The following CHRNA7 variants were observed in gnomAD, a reference collection of about 807,000 sequenced individuals.
CHRNA7 encodes the protein neuronal acetylcholine receptor subunit alpha-7.
A neutral mutation model predicts 48.0 loss-of-function variants in CHRNA7; 17 were observed. That is an observed-to-expected ratio of 0.35 (90% confidence interval 0.24 to 0.53). The LOEUF (loss-of-function observed/expected upper bound fraction) is 0.53, where lower values mean the gene tolerates loss of function less well. Ranked by LOEUF, CHRNA7 falls within the 20% of genes least tolerant of loss-of-function variation. The pLI, the probability that CHRNA7 is intolerant of heterozygous loss-of-function variation, is 0.92. For missense variants in CHRNA7, 155 were observed against 577.7 expected, an observed-to-expected ratio of 0.27 and a Z score of 7.50; for synonymous variants, 75 against 242.3, an observed-to-expected ratio of 0.31 and a Z score of 6.41.
intron 4 of CHRNA7, among the ~76,000 whole-genome samples, chr15:32,113,011 G>T (rs1455163295): frequency 6.6e-6 from 1 of 152,138 alleles, no homozygotes; most frequent in Non-Finnish European, 1.5e-5. Flanking sequence ...CTGTTGAATG[G>T]ATCAAACATG....
chr15:32,100,391 T>A (rs1320252946), intron 2 of CHRNA7: 1 of 152,230 alleles, frequency 6.6e-6, no homozygotes, highest in Admixed American at 6.5e-5. Flanking sequence ...ATTCTCAGTA[T>A]GACTATTGTA....
intron 2 of CHRNA7, among the ~76,000 whole-genome samples, chr15:32,079,959 A>G (rs2141230678): frequency 6.6e-6 from 1 of 152,312 alleles, no homozygotes; most frequent in South Asian, 2.1e-4. Flanking sequence ...AGACACATAG[A>G]CCAATGGAAC....
chr15:32,081,603 A>G (rs931576728), intron 2 of CHRNA7, among the ~76,000 whole-genome samples: 6 of 152,082 alleles, frequency 3.9e-5, no homozygotes, highest in Non-Finnish European at 7.4e-5. Flanking sequence ...ATTCCTGTCT[A>G]CTAATGTTAT....
At chr15:32,144,121 CA>C (rs1388881604) in intron 4 of CHRNA7, among the ~76,000 whole-genome samples, 1 of 152,290 alleles carries the variant, frequency 6.6e-6, no homozygotes, top group East Asian at 1.9e-4. Flanking sequence ...CTGGTGGTGA[CA>C]AAATCTCTCA....
At chr15:32,113,478 G>T (rs557728870) in intron 4 of CHRNA7, among the ~76,000 whole-genome samples, 4 of 152,168 alleles carry the variant, frequency 2.6e-5, no homozygotes, top group Non-Finnish European at 5.9e-5. Flanking sequence ...CTTTTTGAGG[G>T]CAAAGGGTCA....
At chr15:32,152,007 GT>G (rs1190008702) in intron 4 of CHRNA7, among the ~76,000 whole-genome samples, 3 of 152,144 alleles carry the variant, frequency 2.0e-5, no homozygotes, top group Non-Finnish European at 4.4e-5. Context: ...GGCTGCCTGT[GT>G]TTTTTTGAGG....
At chr15:32,046,929 C>A (rs2049560437) in intron 2 of CHRNA7, among the ~76,000 whole-genome samples, 1 of 151,360 alleles carries the variant, frequency 6.6e-6, no homozygotes, top group South Asian at 2.1e-4. Flanking sequence ...AATAGGGAAT[C>A]CTTTCCCCAT....
chr15:32,045,332 G>A (rs74585912), intron 2 of CHRNA7, among the ~76,000 whole-genome samples: 3 of 152,088 alleles, frequency 2.0e-5, no homozygotes, highest in Non-Finnish European at 2.9e-5. Context: ...AGAGAACGGA[G>A]AACACTTTTA....
At chr15:32,050,227 A>G (rs1036226024) in intron 2 of CHRNA7, among the ~76,000 whole-genome samples, 5 of 152,170 alleles carry the variant, frequency 3.3e-5, no homozygotes, top group African/African-American at 1.2e-4. Flanking sequence ...CATGGATGAT[A>G]TCCTGCAGAG....
chr15:32,104,691 C>T (rs1157343452), intron 3 of CHRNA7, among the ~76,000 whole-genome samples: 1 of 152,172 alleles, frequency 6.6e-6, no homozygotes, highest in African/African-American at 2.4e-5. Flanking sequence ...GAAGCAAAAA[C>T]TCAAGGTGAA....
intron 2 of CHRNA7, among the ~76,000 whole-genome samples, chr15:32,051,497 T>A (rs917144048): frequency 2.6e-5 from 4 of 152,134 alleles, no homozygotes; most frequent in Non-Finnish European, 5.9e-5. Flanking sequence ...CCGAAGCCCG[T>A]CAGAAAAGCG....
intron 2 of CHRNA7, among the ~76,000 whole-genome samples, chr15:32,070,510 A>T (rs1371757043): frequency 1.3e-5 from 2 of 151,926 alleles, no homozygotes; most frequent in Admixed American, 1.3e-4. Context: ...TCTACAGCTC[A>T]TGTTTTTAGT....
At chr15:32,161,401 A>G (rs2051886568) in intron 8 of CHRNA7, 1 of 69,126 alleles carries the variant, frequency 1.4e-5, no homozygotes, top group East Asian at 3.3e-4. Flanking sequence ...TCATTGCACA[A>G]ATCCTGCAAG....
At chr15:32,087,953 T>G (rs2050324710) in intron 2 of CHRNA7, among the ~76,000 whole-genome samples, 1 of 152,222 alleles carries the variant, frequency 6.6e-6, no homozygotes, top group African/African-American at 2.4e-5. Flanking sequence ...TCCTAAGTAT[T>G]TGTTTTGTAT....
intron 3 of CHRNA7, 57 bp from the exon 4 acceptor site, chr15:32,111,733 T>C: frequency 1.0e-6 from 1 of 1,004,270 alleles, no homozygotes; most frequent in Non-Finnish European, 1.5e-6. Flanking sequence ...TAATCGCTTA[T>C]GAGAAATATT....
chr15:32,091,710 G>A (rs2050385147), intron 2 of CHRNA7, among the ~76,000 whole-genome samples: 1 of 152,126 alleles, frequency 6.6e-6, no homozygotes, highest in Non-Finnish European at 1.5e-5. Context: ...GTCCCACTTA[G>A]GCATTGTTTA....
At position 32,081,278 on chromosome 15, in the gene CHRNA7, G is replaced by A. The variant is rs151106609; in HGVS notation, c.196-20025G>A. On this transcript the variant is annotated intron_variant, in intron 2 of 9. Transcript: ENST00000306901. ...TGTAACAAACCTGCACATGTATCCC[G>A]AAACTTAAAATATAAAATTAAATTT... Among the ~76,000 whole-genome samples the A allele has an allele frequency of 2.7e-3, 403 of 152,010 alleles. 1 individual carries two copies. The highest frequency in any genetic ancestry group is 8.6e-3 in the African/African-American group (357 of 41,454).
At chr15:32,127,650 G>A (rs2051091428) in intron 4 of CHRNA7, among the ~76,000 whole-genome samples, 2 of 152,144 alleles carry the variant, frequency 1.3e-5, no homozygotes, top group South Asian at 4.1e-4. Context: ...GTTAGATTGT[G>A]TGGGGTTTTG....
chr15:32,116,435 T>C (rs560965598), intron 4 of CHRNA7, among the ~76,000 whole-genome samples: 6 of 152,316 alleles, frequency 3.9e-5, no homozygotes, highest in African/African-American at 1.4e-4. Flanking sequence ...GCCAGGTCGC[T>C]CTGAGGAGAG....
Sources: allele counts gnomAD v4.1 joint callset (sites outside exome capture counted in the v4.1 genomes callset), GRCh38; gene constraint gnomAD v4.1.1; transcripts MANE v1.5; gene names NCBI Gene and HGNC (gene_info 2026-07-23, HGNC 2026-07-21).